Variants in ERGIC1 observed in about 807,000 individuals in gnomAD.
ERGIC1 encodes the protein endoplasmic reticulum-Golgi intermediate compartment protein 1.
In ERGIC1, 19 loss-of-function variants were observed where a neutral mutation model predicts 38.3. The observed-to-expected ratio is 0.50, with a 90% CI of 0.35 to 0.73. ERGIC1 has a LOEUF of 0.73. Ranked by LOEUF, ERGIC1 falls within the 30% of genes least tolerant of loss-of-function variation. The pLI is 0.01. For synonymous variants in ERGIC1, 124 were observed against 157.6 expected, an observed-to-expected ratio of 0.79 and a Z score of 1.60; for missense variants, 294 against 389.2, an observed-to-expected ratio of 0.76 and a Z score of 2.06.
intron 1 of ERGIC1, among the ~76,000 whole-genome samples, chr5:172,882,015 A>G (rs997999108): frequency 6.6e-6 from 1 of 151,802 alleles, no homozygotes; most frequent in African/African-American, 2.4e-5. Context: ...GGTCTGTCAC[A>G]TGCCTGGGGT....
At chr5:172,851,139 T>TG (rs1460539576) in intron 1 of ERGIC1, among the ~76,000 whole-genome samples, 10 of 146,820 alleles carry the variant, frequency 6.8e-5, no homozygotes, top group African/African-American at 2.5e-4. Flanking sequence ...AGGTGGAGCT[T>TG]GCAGTGAGCC....
intron 3 of ERGIC1, among the ~76,000 whole-genome samples, chr5:172,899,604 C>T (rs1406873424): frequency 2.0e-5 from 3 of 152,114 alleles, no homozygotes; most frequent in African/African-American, 7.2e-5. Context: ...CAGGCGTGAG[C>T]CACTGCGCCT....
chr5:172,914,981 G>A, intron 5 of ERGIC1, 143 bp downstream of exon 5: 1 of 1,332,228 alleles, frequency 7.5e-7, no homozygotes, highest in South Asian at 1.2e-5. Context: ...CCAGCTGCCT[G>A]GCCGTTCCTG....
intron 9 of ERGIC1, among the ~76,000 whole-genome samples, chr5:172,943,045 C>G (rs1173607254): frequency 6.6e-6 from 1 of 152,138 alleles, no homozygotes; most frequent in African/African-American, 2.4e-5. Context: ...AACCTGGCTT[C>G]TAGTGATCCT....
chr5:172,912,003 T>C (rs939705355), intron 4 of ERGIC1, among the ~76,000 whole-genome samples: 3 of 151,950 alleles, frequency 2.0e-5, no homozygotes, highest in African/African-American at 4.8e-5. Context: ...TGGGGTTGTT[T>C]TTGTTGTTAT....
At chr5:172,903,029 C>T (rs1198119566) in intron 3 of ERGIC1, among the ~76,000 whole-genome samples, 1 of 151,824 alleles carries the variant, frequency 6.6e-6, no homozygotes, top group Non-Finnish European at 1.5e-5. Context: ...CCACTGTCCA[C>T]CCACACCCCC....
chr5:172,902,473 G>A (rs1329036214), intron 3 of ERGIC1, among the ~76,000 whole-genome samples: 1 of 152,206 alleles, frequency 6.6e-6, no homozygotes, highest in African/African-American at 2.4e-5. Flanking sequence ...GGAGTGACGG[G>A]TTTATGTCTC....
At chr5:172,863,099 C>T (rs989336451) in intron 1 of ERGIC1, among the ~76,000 whole-genome samples, 6 of 152,204 alleles carry the variant, frequency 3.9e-5, no homozygotes, top group Admixed American at 3.9e-4. Flanking sequence ...ACAGGTAGCA[C>T]ACCATCACAC....
chr5:172,928,644 A>G (rs1763708311), intron 7 of ERGIC1, among the ~76,000 whole-genome samples: 1 of 152,004 alleles, frequency 6.6e-6, no homozygotes, highest in Non-Finnish European at 1.5e-5. Flanking sequence ...TGTCCCCAGG[A>G]CCCAGCCCTG....
At chr5:172,909,157 A>C (rs1262133750) in intron 3 of ERGIC1, among the ~76,000 whole-genome samples, 63 of 92,378 alleles carry the variant, frequency 6.8e-4, no homozygotes, top group African/African-American at 8.3e-4. Flanking sequence ...CCTGAGCCCC[A>C]GCCCTCCCCT....
At chr5:172,911,241 C>T (rs1441720454) in intron 4 of ERGIC1, among the ~76,000 whole-genome samples, 4 of 152,240 alleles carry the variant, frequency 2.6e-5, no homozygotes, top group Non-Finnish European at 5.9e-5. Flanking sequence ...TTTGAATCCT[C>T]GCTGGGCCCC....
In ERGIC1 at chr5:172,864,751, CT is replaced by C. The variant is rs371810418; in HGVS notation, c.21-23939del. ...GAACCATATTAACATGTCCCCCCCC[CT>C]TTTTTTTTGAGCACCTATTATATGC... On this transcript the variant is annotated intron_variant, in intron 1 of 9. Transcript: ENST00000393784. Among the ~76,000 whole-genome samples the C allele has an allele frequency of 3.8e-4, 57 of 150,882 alleles. 1 individual carries two copies. The highest frequency in any genetic ancestry group is 1.9e-3 in the Admixed American group (29 of 15,104).
At chr5:172,924,630 A>C (rs1763608883) in intron 6 of ERGIC1, among the ~76,000 whole-genome samples, 2 of 152,144 alleles carry the variant, frequency 1.3e-5, no homozygotes, top group Admixed American at 1.3e-4. Flanking sequence ...AGGTGAGGGA[A>C]GGGCCCAGAC....
intron 7 of ERGIC1, among the ~76,000 whole-genome samples, chr5:172,928,775 C>T (rs141011882): frequency 1.3e-5 from 2 of 152,290 alleles, no homozygotes; most frequent in East Asian, 3.9e-4. Flanking sequence ...TGTCCCCCTC[C>T]ACTCTTTCCC....
At chr5:172,931,578 CT>C (rs1170330666) in intron 7 of ERGIC1, among the ~76,000 whole-genome samples, 1 of 152,182 alleles carries the variant, frequency 6.6e-6, no homozygotes, top group East Asian at 1.9e-4. Context: ...TTGATAGGCT[CT>C]TTTCTTTTTA....
chr5:172,925,507 C>G (rs146076409), intron 6 of ERGIC1, among the ~76,000 whole-genome samples: 1 of 152,144 alleles, frequency 6.6e-6, no homozygotes, highest in Non-Finnish European at 1.5e-5. Context: ...AAACATCAGC[C>G]GCCTGAGACC....
chr5:172,906,407 G>A (rs1763025284), intron 3 of ERGIC1, among the ~76,000 whole-genome samples: 1 of 152,112 alleles, frequency 6.6e-6, no homozygotes, highest in Admixed American at 6.5e-5. Flanking sequence ...GCATTTCACA[G>A]GCGCACATGG....
intron 2 of ERGIC1, 102 bp from the exon 3 acceptor site, chr5:172,896,900 C>T: frequency 9.0e-7 from 1 of 1,114,072 alleles, no homozygotes; most frequent in South Asian, 1.3e-5. Flanking sequence ...GGCACAGCCC[C>T]ACACCCTTGT....
In ERGIC1 at chr5:172,898,216, CTA is replaced by C. The variant is rs1762773700; in HGVS notation, c.155+1143_155+1144del. ...CACTCAGCCACAAGACAATAGGAAA[CTA>C]AATACATAGCTGCTTAGCCCAAGAA... On this transcript the variant is annotated intron_variant, in intron 3 of 9. Coordinates refer to ENST00000393784, the MANE Select transcript of ERGIC1 (RefSeq NM_001031711.3). The C allele has an allele frequency of 9.2e-5, 22 of 239,326 alleles. No homozygotes were observed. The East Asian group carries it at 1.7e-3, about 19-fold the overall frequency. 14.8% of individuals were successfully genotyped at this position (239,326 alleles called of 1,614,324 possible). A position where few individuals can be genotyped will look rare whatever the true frequency, so the allele number is the denominator to read the frequency against.
Sources: allele counts gnomAD v4.1 joint callset (sites outside exome capture counted in the v4.1 genomes callset), GRCh38; gene constraint gnomAD v4.1.1; transcripts MANE v1.5; gene names NCBI Gene and HGNC (gene_info 2026-07-23, HGNC 2026-07-21).